The following PTPRD variants were observed in gnomAD, a reference collection of about 807,000 sequenced individuals.
PTPRD encodes the protein protein tyrosine phosphatase receptor type D.
PTPRD carries 34 observed loss-of-function variants against 214.5 expected under a neutral mutation model. That is an observed-to-expected ratio of 0.16 (90% CI 0.12 to 0.21). PTPRD has a LOEUF of 0.21. Among genes scored for constraint, PTPRD ranks in the 10% least tolerant of loss-of-function variants. The pLI, the probability that PTPRD is intolerant of heterozygous loss-of-function variation, is 1.00. For synonymous variants in PTPRD, 1,128 were observed against 845.7 expected (o/e 1.33, Z -5.79); for missense variants, 2,545 against 2,398.7 (o/e 1.06, Z -1.27).
intron 10 of PTPRD, among the ~76,000 whole-genome samples, chr9:9,058,950 C>T (rs571013474): frequency 6.6e-6 from 1 of 152,194 alleles, no homozygotes; most frequent in South Asian, 2.1e-4. Flanking sequence ...GTGCCCAAAA[C>T]ATCTCAGCTG....
chr9:10,589,390 C>G (rs1001105526), intron 2 of PTPRD, among the ~76,000 whole-genome samples: 2 of 151,762 alleles, frequency 1.3e-5, no homozygotes, highest in African/African-American at 4.9e-5. Context: ...ACCAGTCACT[C>G]AGATTAATCT....
At chr9:8,940,517 T>C (rs2099027092) in intron 11 of PTPRD, among the ~76,000 whole-genome samples, 2 of 149,180 alleles carry the variant, frequency 1.3e-5, no homozygotes, top group Non-Finnish European at 3.0e-5. Flanking sequence ...GGTTTTGAAC[T>C]CCTGACCTCA....
rs1461307670 is a variant in PTPRD at position 10,577,907 on chromosome 9, G to C, written c.-600+34491C>G. On this transcript the variant is annotated intron_variant, in intron 2 of 45. Transcript: ENST00000381196. ...AACTAAATATTCCAAATCAGTACAA[G>C]TTATTTCCTTTTTTTTTTTTTTTTG... Among the ~76,000 whole-genome samples the C allele has an allele frequency of 5.7e-5, 7 of 123,246 alleles. No individual in the cohort carries two copies. The East Asian group carries it at 1.6e-3, about 29-fold the overall frequency. The allele number at this position is 123,246 out of a possible 152,430, so 80.9% of individuals were successfully genotyped here.
intron 11 of PTPRD, among the ~76,000 whole-genome samples, chr9:8,968,597 G>T (rs1263739865): frequency 6.6e-6 from 1 of 151,820 alleles, no homozygotes; most frequent in African/African-American, 2.4e-5. Context: ...AATCTTATTG[G>T]GTTCATTAGT....
rs1007243138 is a variant in PTPRD, at chr9:9,541,923, CT to C, written c.-237+32808del. ...AAAGAAGAAAAGTCTAAGATAATGA[CT>C]CAAGATTCTAGAGAAAGAAGTTAGC... On this transcript the variant is annotated intron_variant, in intron 8 of 45. Coordinates refer to ENST00000381196, the MANE Select transcript of PTPRD (RefSeq NM_002839.4). Among the ~76,000 whole-genome samples the C allele has an allele frequency of 1.7e-3, 262 of 151,592 alleles. 3 individuals carry two copies. The highest frequency in any genetic ancestry group is 0.017 in the Admixed American group (254 of 15,136).
At chr9:9,104,907 T>C (rs1378458961) in intron 10 of PTPRD, among the ~76,000 whole-genome samples, 2 of 152,084 alleles carry the variant, frequency 1.3e-5, no homozygotes. Flanking sequence ...GATTCCAGTG[T>C]GATAAGTGTG....
rs368992327 is a variant in PTPRD at position 8,411,107 on chromosome 9, C to G, written c.4087-6447G>C. 4.2e-4 allele frequency among the ~76,000 whole-genome samples: 64 copies of G among 151,812 alleles called. 3 individuals carry two copies. The South Asian group carries it at 0.013, about 32-fold the overall frequency. On this transcript the variant is annotated intron_variant, in intron 35 of 45. Transcript: ENST00000381196. ...AAAAATACTTAATTCTTTTTTTTAA[C>G]TCAGTAGGCCAACATGAGGTACTCT...
At chr9:10,446,023 T>C (rs1230606522) in intron 2 of PTPRD, among the ~76,000 whole-genome samples, 2 of 151,954 alleles carry the variant, frequency 1.3e-5, no homozygotes, top group Admixed American at 1.3e-4. Flanking sequence ...AAAGATTCAG[T>C]AAAGATTCTT....
chr9:9,274,530 C>A, intron 9 of PTPRD, among the ~76,000 whole-genome samples: 1 of 151,204 alleles, frequency 6.6e-6, no homozygotes, highest in East Asian at 2.0e-4. Context: ...CCTTATGGAG[C>A]TTATCTATCC....
intron 3 of PTPRD, among the ~76,000 whole-genome samples, chr9:10,108,895 A>T (rs2098663268): frequency 6.6e-6 from 1 of 151,914 alleles, no homozygotes; most frequent in Non-Finnish European, 1.5e-5. Flanking sequence ...ACTTCAGCAT[A>T]ACTTATTCCA....
At position 8,317,115 on chromosome 9, in the gene PTPRD, A is replaced by ATATC. The variant is rs557750839; in HGVS notation, c.*755_*758dup. Reference sequence around the variant, plus strand: ...ATCAAAACTGAAGTGTAAAATTAATATATCTGACGAGACTGATACTGTAGA... The same window carrying ATATC: ...ATCAAAACTGAAGTGTAAAATTAATATATCTATCTGACGAGACTGATACTGTAGA... On this transcript the variant is annotated 3_prime_UTR_variant, in exon 46 of 46. Transcript: ENST00000381196. 5.5e-4 allele frequency: 127 copies of ATATC among 231,706 alleles called. No individual in the cohort carries two copies. Among genetic ancestry groups the ATATC allele is most frequent in the African/African-American group, 2.5e-3 (115 of 45,180 alleles). The allele number at this position is 231,706 out of a possible 1,614,324, so 14.4% of individuals were successfully genotyped here.
intron 7 of PTPRD, among the ~76,000 whole-genome samples, chr9:9,687,150 A>G (rs546695709): frequency 2.6e-5 from 4 of 151,968 alleles, no homozygotes; most frequent in African/African-American, 7.2e-5. Context: ...AAACATATAG[A>G]TCTACACAGC....
intron 8 of PTPRD, among the ~76,000 whole-genome samples, chr9:9,565,227 C>G (rs1030703035): frequency 6.6e-6 from 1 of 151,684 alleles, no homozygotes; most frequent in Non-Finnish European, 1.5e-5. Context: ...CAACTCTAAA[C>G]AAACCTTTTT....
chr9:9,107,067 G>T (rs1477488442), intron 10 of PTPRD, among the ~76,000 whole-genome samples: 1 of 152,066 alleles, frequency 6.6e-6, no homozygotes, highest in African/African-American at 2.4e-5. Context: ...AACATCAGAG[G>T]TTTTATGGAT....
chr9:8,314,810 A>C lies in PTPRD; in HGVS notation c.*3064T>G, dbSNP rs1295416926. On this transcript the variant is annotated 3_prime_UTR_variant, in exon 46 of 46. Coordinates refer to ENST00000381196, the MANE Select transcript of PTPRD (RefSeq NM_002839.4). The stretch of plus-strand genomic sequence containing the variant: ...GAAGCAGTTTCTTACAGATGGGTTC[A>C]AGTAATATCATTATTGGGTGTAGAA... The C allele has an allele frequency of 4.3e-6, 1 of 232,430 alleles. No individual in the cohort carries two copies. The highest frequency in any genetic ancestry group is 6.0e-5 in the East Asian group (1 of 16,530). The allele number at this position is 232,430 out of a possible 1,614,324, so 14.4% of individuals were successfully genotyped here. A position where few individuals can be genotyped will look rare whatever the true frequency, so the allele number is the denominator to read the frequency against.
chr9:9,688,687 C>A, intron 7 of PTPRD, among the ~76,000 whole-genome samples: 1 of 151,968 alleles, frequency 6.6e-6, no homozygotes, highest in Middle Eastern at 3.4e-3. Context: ...ATCTTGTATA[C>A]TCTAATCTCT....
chr9:9,877,970 T>C (rs1311842741), intron 5 of PTPRD, among the ~76,000 whole-genome samples: 1 of 87,502 alleles, frequency 1.1e-5, no homozygotes, highest in Non-Finnish European at 1.9e-5. Flanking sequence ...CAAAACTCCA[T>C]CTCAAAAAAA....
At chr9:9,347,855 A>G (rs1164767786) in intron 9 of PTPRD, among the ~76,000 whole-genome samples, 1 of 152,166 alleles carries the variant, frequency 6.6e-6, no homozygotes, top group Non-Finnish European at 1.5e-5. Context: ...AATTCAAATC[A>G]TCACTACTGT....
chr9:9,957,578 T>C (rs1329174140), intron 4 of PTPRD, among the ~76,000 whole-genome samples: 1 of 152,098 alleles, frequency 6.6e-6, no homozygotes, highest in East Asian at 1.9e-4. Flanking sequence ...ATTTTTCTAA[T>C]GCCATCACCA....
Sources: gnomAD v4.1 joint callset for allele counts (sites outside exome capture counted in the v4.1 genomes callset) on GRCh38, gnomAD v4.1.1 for gene constraint, MANE v1.5 for transcripts, NCBI Gene and HGNC (gene_info 2026-07-23, HGNC 2026-07-21) for gene names.